ZFPM2: variants seen among roughly 807,000 people sequenced by gnomAD.
ZFPM2 encodes the protein zinc finger protein, FOG family member 2.
ZFPM2 carries 20 observed loss-of-function variants against 98.6 expected under a neutral mutation model. The ratio of observed to expected loss-of-function variants is 0.20; its 90% CI spans 0.14 to 0.29. ZFPM2 has a LOEUF of 0.29. Among genes scored for constraint, ZFPM2 ranks in the 10% least tolerant of loss-of-function variants. The pLI is 1.00. For synonymous variants in ZFPM2, 518 were observed against 502.7 expected (o/e 1.03, Z -0.41); for missense variants, 1,310 against 1,388.6 (o/e 0.94, Z 0.90).
chr8:105,338,007 T>C (rs1480149580), intron 1 of ZFPM2, among the ~76,000 whole-genome samples: 1 of 151,788 alleles, frequency 6.6e-6, no homozygotes, highest in Non-Finnish European at 1.5e-5. Flanking sequence ...TTAGGATGAC[T>C]CATGAAATAT....
intron 3 of ZFPM2, among the ~76,000 whole-genome samples, chr8:105,538,224 G>C (rs929997953): frequency 1.4e-4 from 22 of 152,130 alleles, no homozygotes; most frequent in African/African-American, 4.8e-4. Context: ...TTAAGCCTTT[G>C]CTTCTTAATA....
intron 2 of ZFPM2, among the ~76,000 whole-genome samples, chr8:105,427,418 T>G (rs1811937530): frequency 6.6e-6 from 1 of 152,210 alleles, no homozygotes; most frequent in African/African-American, 2.4e-5. Context: ...TCATTGTTCT[T>G]TCTGTGAGCT....
At chr8:105,405,323 A>G (rs1475507680) in intron 1 of ZFPM2, among the ~76,000 whole-genome samples, 1 of 151,934 alleles carries the variant, frequency 6.6e-6, no homozygotes, top group Non-Finnish European at 1.5e-5. Flanking sequence ...GTACATGTGC[A>G]CAACGTGCAG....
intron 5 of ZFPM2, among the ~76,000 whole-genome samples, chr8:105,723,103 A>C (rs1337379063): frequency 6.6e-6 from 1 of 151,786 alleles, no homozygotes; most frequent in African/African-American, 2.4e-5. Context: ...TGTGGTGTCT[A>C]TTCGTTCTTG....
At chr8:105,432,069 C>T (rs892187328) in intron 2 of ZFPM2, among the ~76,000 whole-genome samples, 11 of 151,974 alleles carry the variant, frequency 7.2e-5, no homozygotes, top group Middle Eastern at 3.4e-3. Flanking sequence ...GCAATAGAGA[C>T]GGGTGTGAGT....
intron 5 of ZFPM2, among the ~76,000 whole-genome samples, chr8:105,739,124 C>T (rs1419218170): frequency 6.6e-6 from 1 of 152,052 alleles, no homozygotes; most frequent in Non-Finnish European, 1.5e-5. Context: ...GTGACTACCT[C>T]AGTAACCCTT....
chr8:105,491,745 T>C (rs1423533911), intron 3 of ZFPM2, among the ~76,000 whole-genome samples: 7 of 152,212 alleles, frequency 4.6e-5, no homozygotes, highest in Admixed American at 3.3e-4. Context: ...CCCTTAACTC[T>C]AAGTGCCAGA....
chr8:105,708,006 G>A (rs1197170411), intron 5 of ZFPM2, among the ~76,000 whole-genome samples: 4 of 152,118 alleles, frequency 2.6e-5, no homozygotes, highest in African/African-American at 4.8e-5. Context: ...ACTAGAACTC[G>A]TCATATGGTT....
intron 5 of ZFPM2, among the ~76,000 whole-genome samples, chr8:105,717,946 A>G (rs945768563): frequency 2.0e-5 from 3 of 151,840 alleles, no homozygotes; most frequent in Admixed American, 6.6e-5. Flanking sequence ...ACTTGAACCC[A>G]AGTGGTTAGA....
intron 4 of ZFPM2, among the ~76,000 whole-genome samples, chr8:105,573,407 G>A (rs1815398253): frequency 1.3e-5 from 2 of 152,140 alleles, no homozygotes; most frequent in South Asian, 4.1e-4. Flanking sequence ...TAGTTAACCT[G>A]ACCTGTGGAT....
chr8:105,702,587 A>G (rs1811163127), intron 5 of ZFPM2, among the ~76,000 whole-genome samples: 1 of 152,252 alleles, frequency 6.6e-6, no homozygotes, highest in African/African-American at 2.4e-5. Context: ...ACGGCAAACC[A>G]AAATTATCTC....
rs146873990 is a variant in ZFPM2 at position 105,566,855 on chromosome 8, C to T, written c.420+5374C>T. Among the ~76,000 whole-genome samples, 1,215 of 152,164 alleles carry T rather than the reference C, an allele frequency of 8.0e-3. 18 individuals are homozygous for T. The highest frequency in any genetic ancestry group is 0.028 in the African/African-American group (1,146 of 41,534). ...TTTGACAGAGAAATCTCATTTTATT[C>T]TGTTCAATCAGAATAAAATGTATTA... On this transcript the variant is annotated intron_variant, in intron 4 of 7. Coordinates refer to ENST00000407775, the MANE Select transcript of ZFPM2 (RefSeq NM_012082.4).
Position 105,380,811 on chromosome 8 carries a change from A to AAT in ZFPM2, c.41-38325_41-38324dup, listed in dbSNP as rs577726029. Among the ~76,000 whole-genome samples the AAT allele has an allele frequency of 2.8e-3, 207 of 75,050 alleles. 55 individuals are homozygous for AAT. The highest frequency in any genetic ancestry group is 0.018 in the African/African-American group (201 of 11,460). The allele number at this position is 75,050 out of a possible 152,430, so 49.2% of individuals were successfully genotyped here. A position where few individuals can be genotyped will look rare whatever the true frequency, so the allele number is the denominator to read the frequency against. On this transcript the variant is annotated intron_variant, in intron 1 of 7. Coordinates refer to ENST00000407775, the MANE Select transcript of ZFPM2 (RefSeq NM_012082.4). ...TATATATATTATATATGTTATATAT[A>AAT]ATATATATAATATATAATATATATG...
intron 5 of ZFPM2, among the ~76,000 whole-genome samples, chr8:105,709,180 A>G (rs1202887085): frequency 6.6e-6 from 1 of 152,178 alleles, no homozygotes; most frequent in African/African-American, 2.4e-5. Context: ...ATTATTCCTA[A>G]GGAGACATGA....
intron 5 of ZFPM2, chr8:105,785,309 A>G (rs1181886774): frequency 6.7e-6 from 1 of 148,420 alleles, no homozygotes; most frequent in East Asian, 1.9e-4. Flanking sequence ...ATATACACAC[A>G]TACAACAGAC....
intron 2 of ZFPM2, among the ~76,000 whole-genome samples, chr8:105,433,823 A>G (rs759846307): frequency 1.3e-5 from 2 of 152,094 alleles, no homozygotes; most frequent in East Asian, 3.9e-4. Flanking sequence ...TCTCAACATG[A>G]CAGTGTTAGC....
Position 105,407,186 on chromosome 8 carries a change from G to A in ZFPM2, c.41-11958G>A, listed in dbSNP as rs573368875. 1.6e-3 allele frequency among the ~76,000 whole-genome samples: 235 copies of A among 149,788 alleles called. 4 individuals are homozygous for A. Among genetic ancestry groups the A allele is most frequent in the Middle Eastern group, 0.01 (3 of 290 alleles). ...ATAAGCCATGAGTAAAATATTTTAA[G>A]TGTATCAAAACAGGGGATGGGTGGT... On this transcript the variant is annotated intron_variant, in intron 1 of 7. Transcript: ENST00000407775.
intron 4 of ZFPM2, among the ~76,000 whole-genome samples, chr8:105,611,008 A>G (rs1273019204): frequency 6.6e-6 from 1 of 152,180 alleles, no homozygotes; most frequent in African/African-American, 2.4e-5. Flanking sequence ...AGTTCATTGC[A>G]CTTCCATGGT....
At chr8:105,527,116 A>G (rs1387695165) in intron 3 of ZFPM2, among the ~76,000 whole-genome samples, 2 of 152,170 alleles carry the variant, frequency 1.3e-5, no homozygotes, top group Non-Finnish European at 2.9e-5. Flanking sequence ...AATAAACAAA[A>G]ATAGCATTAC....
Sources: allele counts gnomAD v4.1 joint callset (sites outside exome capture counted in the v4.1 genomes callset), GRCh38; gene constraint gnomAD v4.1.1; transcripts MANE v1.5; gene names NCBI Gene and HGNC (gene_info 2026-07-23, HGNC 2026-07-21).